The following SGCZ variants were observed in gnomAD, a reference collection of about 807,000 sequenced individuals.
The protein encoded by SGCZ is sarcoglycan zeta.
A neutral mutation model predicts 41.3 loss-of-function variants in SGCZ; 40 were observed. The observed-to-expected ratio is 0.97, with a 90% CI of 0.75 to 1.26. SGCZ has a LOEUF of 1.26. SGCZ is among the 50% of genes most tolerant of loss of function. The pLI is 0.00. For synonymous variants in SGCZ, 206 were observed against 137.5 expected, an observed-to-expected ratio of 1.50 and a Z score of -3.49; for missense variants, 552 against 369.8, an observed-to-expected ratio of 1.49 and a Z score of -4.04.
Position 14,177,583 on chromosome 8 carries a change from C to T in SGCZ, c.425-12881G>A, listed in dbSNP as rs112816997. ...GGAGTGCAGTGGCGCCATCTGGGCT[C>T]ACTGCAAGCTCCGCCTCCCGGGTTC... On this transcript the variant is annotated intron_variant, in intron 4 of 7. Coordinates refer to ENST00000382080, the MANE Select transcript of SGCZ (RefSeq NM_139167.4). 8.5e-4 allele frequency among the ~76,000 whole-genome samples: 129 copies of T among 152,146 alleles called. 1 individual carries two copies. Among genetic ancestry groups the T allele is most frequent in the African/African-American group, 3.0e-3 (125 of 41,516 alleles).
intron 2 of SGCZ, among the ~76,000 whole-genome samples, chr8:14,483,659 G>C (rs954114198): frequency 6.6e-6 from 1 of 152,168 alleles, no homozygotes; most frequent in Non-Finnish European, 1.5e-5. Flanking sequence ...GAAATTCAAA[G>C]AGAGTATATT....
chr8:14,125,653 A>C (rs1384920380), intron 5 of SGCZ, among the ~76,000 whole-genome samples: 1 of 152,196 alleles, frequency 6.6e-6, no homozygotes, highest in Non-Finnish European at 1.5e-5. Flanking sequence ...GCAACCAGAA[A>C]AGAACCCTTA....
At chr8:14,245,309 A>T (rs546825252) in intron 3 of SGCZ, among the ~76,000 whole-genome samples, 1 of 152,270 alleles carries the variant, frequency 6.6e-6, no homozygotes, top group East Asian at 1.9e-4. Context: ...CAACTATCTG[A>T]TCTTTGACAA....
intron 1 of SGCZ, among the ~76,000 whole-genome samples, chr8:15,226,711 C>G (rs1045772251): frequency 1.3e-5 from 2 of 152,170 alleles, no homozygotes; most frequent in Non-Finnish European, 2.9e-5. Context: ...AACACTAGAG[C>G]TACATAACAG....
chr8:14,877,182 G>A (rs528615612), intron 1 of SGCZ, among the ~76,000 whole-genome samples: 5 of 152,026 alleles, frequency 3.3e-5, no homozygotes, highest in South Asian at 2.1e-4. Context: ...CCATGTTGGC[G>A]TGGAGGGTCT....
chr8:14,635,207 G>A (rs1035256971), intron 1 of SGCZ, among the ~76,000 whole-genome samples: 5 of 151,724 alleles, frequency 3.3e-5, no homozygotes, highest in African/African-American at 1.2e-4. Context: ...ACCAACTCAA[G>A]TCATTCTTTT....
chr8:14,703,899 T>C (rs945885666), intron 1 of SGCZ, among the ~76,000 whole-genome samples: 4 of 152,040 alleles, frequency 2.6e-5, no homozygotes, highest in African/African-American at 9.7e-5. Flanking sequence ...TTTGTTATGG[T>C]GGCTCTGAAG....
At chr8:14,177,948 C>CTTTTTTTTTCTTTTCT (rs1246842074) in intron 4 of SGCZ, among the ~76,000 whole-genome samples, 60 of 87,984 alleles carry the variant, frequency 6.8e-4, no homozygotes, top group Middle Eastern at 6.8e-3. Flanking sequence ...TCCTTCTTTT[C>CTTTTTTTTTCTTTTCT]TTTTTTTTTC....
intron 2 of SGCZ, among the ~76,000 whole-genome samples, chr8:14,426,720 ACT>A (rs1367678556): frequency 6.6e-6 from 1 of 152,116 alleles, no homozygotes; most frequent in Non-Finnish European, 1.5e-5. Context: ...AGAGCCTGAA[ACT>A]CTCACAGCAG....
chr8:14,801,412 G>A (rs1216652911), intron 1 of SGCZ, among the ~76,000 whole-genome samples: 1 of 152,126 alleles, frequency 6.6e-6, no homozygotes, highest in Non-Finnish European at 1.5e-5. Context: ...TATTTACAAA[G>A]CAAATTATAA....
At chr8:14,687,970 T>G (rs929861307) in intron 1 of SGCZ, among the ~76,000 whole-genome samples, 2 of 152,188 alleles carry the variant, frequency 1.3e-5, no homozygotes, top group Non-Finnish European at 2.9e-5. Flanking sequence ...TTTTCATGTG[T>G]TTTTTGGCTG....
intron 1 of SGCZ, among the ~76,000 whole-genome samples, chr8:14,569,022 G>C (rs1339597712): frequency 2.6e-5 from 4 of 152,052 alleles, no homozygotes; most frequent in Non-Finnish European, 5.9e-5. Flanking sequence ...ATCATGTATT[G>C]TGCCAGATGA....
At chr8:14,691,981 T>G (rs554061176) in intron 1 of SGCZ, among the ~76,000 whole-genome samples, 1 of 152,098 alleles carries the variant, frequency 6.6e-6, no homozygotes. Flanking sequence ...CGTGAAATAT[T>G]AGTAGGATAG....
chr8:14,444,372 T>C (rs1016755127), intron 2 of SGCZ, among the ~76,000 whole-genome samples: 56 of 152,204 alleles, frequency 3.7e-4, no homozygotes, highest in African/African-American at 1.3e-3. Context: ...CGTATGTTTA[T>C]TGCGGCACTA....
At chr8:14,370,316 A>G (rs1803865876) in intron 2 of SGCZ, among the ~76,000 whole-genome samples, 1 of 151,780 alleles carries the variant, frequency 6.6e-6, no homozygotes. Context: ...GCCATCTTAT[A>G]TTCCTTCATG....
chr8:14,333,472 T>C (rs1390742615), intron 2 of SGCZ, among the ~76,000 whole-genome samples: 1 of 152,100 alleles, frequency 6.6e-6, no homozygotes, highest in African/African-American at 2.4e-5. Flanking sequence ...TTAGCATGCT[T>C]GTCTTTCCCA....
rs568120813 is a variant in SGCZ at position 14,581,208 on chromosome 8, A to T, written c.40-26282T>A. On this transcript the variant is annotated intron_variant, in intron 1 of 7. Coordinates refer to ENST00000382080, the MANE Select transcript of SGCZ (RefSeq NM_139167.4). ...CTTGCAACCTCTGTCTCCCAGGTTC[A>T]AGCGATTCTCCTGCCTCAGCCATGT... 7.8e-4 allele frequency among the ~76,000 whole-genome samples: 118 copies of T among 152,204 alleles called. 1 individual carries two copies. The highest frequency in any genetic ancestry group is 7.5e-3 in the South Asian group (36 of 4,818).
intron 1 of SGCZ, among the ~76,000 whole-genome samples, chr8:14,735,699 T>G (rs923993289): frequency 6.6e-6 from 1 of 152,166 alleles, no homozygotes; most frequent in African/African-American, 2.4e-5. Context: ...AAACTCCCTT[T>G]CGTATATACA....
At chr8:14,414,949 C>G (rs2094330292) in intron 2 of SGCZ, among the ~76,000 whole-genome samples, 2 of 151,902 alleles carry the variant, frequency 1.3e-5, no homozygotes, top group African/African-American at 2.4e-5. Flanking sequence ...GAAGGCACTT[C>G]AAGAAAATCA....
Sources: allele counts gnomAD v4.1 joint callset (sites outside exome capture counted in the v4.1 genomes callset), GRCh38; gene constraint gnomAD v4.1.1; transcripts MANE v1.5; gene names NCBI Gene and HGNC (gene_info 2026-07-23, HGNC 2026-07-21).